Variants in CNTNAP2 observed in about 807,000 individuals in gnomAD.
The protein encoded by CNTNAP2 is contactin associated protein 2.
A neutral mutation model predicts 155.2 loss-of-function variants in CNTNAP2; 98 were observed. That is an observed-to-expected ratio of 0.63 (90% CI 0.54 to 0.75). CNTNAP2 has a LOEUF of 0.75. CNTNAP2 is among the 30% of genes least tolerant of loss of function. CNTNAP2 has a pLI of 0.00. For synonymous variants in CNTNAP2, 651 were observed against 631.2 expected, an observed-to-expected ratio of 1.03 and a Z score of -0.47; for missense variants, 1,727 against 1,688.1, an observed-to-expected ratio of 1.02 and a Z score of -0.40.
At chr7:147,508,483 A>G (rs1409464520) in intron 11 of CNTNAP2, among the ~76,000 whole-genome samples, 1 of 152,152 alleles carries the variant, frequency 6.6e-6, no homozygotes, top group Non-Finnish European at 1.5e-5. Flanking sequence ...AACAGCAAAA[A>G]CCTTGCAACT....
chr7:147,287,185 T>C (rs1433103454), intron 8 of CNTNAP2, among the ~76,000 whole-genome samples: 1 of 151,980 alleles, frequency 6.6e-6, no homozygotes, highest in Non-Finnish European at 1.5e-5. Flanking sequence ...GGATGCAACA[T>C]TACTAAGAAG....
At chr7:148,110,908 T>C (rs1804335117) in intron 15 of CNTNAP2, among the ~76,000 whole-genome samples, 1 of 152,220 alleles carries the variant, frequency 6.6e-6, no homozygotes, top group Non-Finnish European at 1.5e-5. Flanking sequence ...GCCTTCTTCC[T>C]GTCAGCTTCC....
At position 147,527,015 on chromosome 7, in the gene CNTNAP2, CTTTTTT is replaced by C. The variant is rs888976222; in HGVS notation, c.1778-35101_1778-35096del. On this transcript the variant is annotated intron_variant, in intron 11 of 23. Coordinates refer to ENST00000361727, the MANE Select transcript of CNTNAP2 (RefSeq NM_014141.6). ...CATGAATTATGGAAGACAGGCATTT[CTTTTTT>C]TTTTTTTTTTTTTTTTTTTTTGATG... Among the ~76,000 whole-genome samples the C allele has an allele frequency of 1.0e-3, 65 of 65,168 alleles. 1 individual carries two copies. Among genetic ancestry groups the C allele is most frequent in the Admixed American group, 3.9e-3 (19 of 4,826 alleles). The allele number at this position is 65,168 out of a possible 152,430, so 42.8% of individuals were successfully genotyped here.
intron 3 of CNTNAP2, among the ~76,000 whole-genome samples, chr7:146,920,704 A>T (rs1476569578): frequency 6.6e-6 from 1 of 152,194 alleles, no homozygotes; most frequent in African/African-American, 2.4e-5. Context: ...AAATTTTTTC[A>T]TTGAATGTTG....
intron 1 of CNTNAP2, among the ~76,000 whole-genome samples, chr7:146,587,877 T>G (rs1306196082): frequency 6.6e-6 from 1 of 152,036 alleles, no homozygotes; most frequent in Non-Finnish European, 1.5e-5. Context: ...TTTCACCATG[T>G]TGGCCAGGCT....
At chr7:147,478,327 A>T (rs1198460070) in intron 10 of CNTNAP2, among the ~76,000 whole-genome samples, 1 of 151,698 alleles carries the variant, frequency 6.6e-6, no homozygotes. Context: ...TAATTTTTGT[A>T]TTTTTATTAG....
chr7:146,239,088 T>C (rs376812152), intron 1 of CNTNAP2, among the ~76,000 whole-genome samples: 1 of 152,182 alleles, frequency 6.6e-6, no homozygotes, highest in Non-Finnish European at 1.5e-5. Context: ...AGGGTAGATA[T>C]GTGTTTGGAA....
At chr7:147,602,353 C>A (rs553811010) in intron 12 of CNTNAP2, among the ~76,000 whole-genome samples, 1 of 111,798 alleles carries the variant, frequency 8.9e-6, no homozygotes, top group East Asian at 2.7e-4. Flanking sequence ...TTATGTACTT[C>A]AGTCTATTTT....
intron 14 of CNTNAP2, among the ~76,000 whole-genome samples, chr7:147,923,625 T>C (rs2710073): frequency 0.76 from 114,799 of 151,536 alleles, 44,151 homozygotes; most frequent in African/African-American, 0.88. Context: ...GCAATCTTCT[T>C]GCCTCAGCCT....
At chr7:146,254,445 G>A (rs542889879) in intron 1 of CNTNAP2, among the ~76,000 whole-genome samples, 3 of 152,176 alleles carry the variant, frequency 2.0e-5, no homozygotes, top group Non-Finnish European at 4.4e-5. Flanking sequence ...CCAAGTAAAA[G>A]TGTATATATG....
chr7:147,424,425 A>G (rs1045416627), intron 10 of CNTNAP2, among the ~76,000 whole-genome samples: 3 of 152,082 alleles, frequency 2.0e-5, no homozygotes, highest in African/African-American at 7.2e-5. Context: ...GTCTTTCTTG[A>G]AACATTTTCT....
At chr7:147,511,201 G>A (rs114473934) in intron 11 of CNTNAP2, among the ~76,000 whole-genome samples, 3,927 of 151,882 alleles carry the variant, frequency 0.026, 166 homozygotes, top group African/African-American at 0.09. Flanking sequence ...TCGCCCCTCT[G>A]GCTACCTTTA....
At chr7:146,199,905 C>G (rs1212303339) in intron 1 of CNTNAP2, among the ~76,000 whole-genome samples, 7 of 152,190 alleles carry the variant, frequency 4.6e-5, no homozygotes, top group Admixed American at 4.6e-4. Flanking sequence ...AGTCTTTCTC[C>G]CTTGCCCCTA....
intron 12 of CNTNAP2, among the ~76,000 whole-genome samples, chr7:147,600,373 C>A (rs550263864): frequency 1.6e-4 from 24 of 152,312 alleles, no homozygotes; most frequent in African/African-American, 5.5e-4. Context: ...GTGGGCCTCA[C>A]GGTCTCTACC....
chr7:147,342,298 T>A (rs145358393), intron 9 of CNTNAP2, among the ~76,000 whole-genome samples: 25 of 152,162 alleles, frequency 1.6e-4, no homozygotes, highest in African/African-American at 5.3e-4. Flanking sequence ...GCTTCTAATG[T>A]ATCTAATTTA....
intron 22 of CNTNAP2, among the ~76,000 whole-genome samples, chr7:148,393,623 ATG>A (rs1192468673): frequency 1.3e-5 from 2 of 152,312 alleles, no homozygotes; most frequent in African/African-American, 2.4e-5. Context: ...GTCAAAGGAT[ATG>A]TGTGTTTTTA....
intron 9 of CNTNAP2, among the ~76,000 whole-genome samples, chr7:147,316,698 C>T (rs887382662): frequency 6.6e-6 from 1 of 151,974 alleles, no homozygotes; most frequent in Admixed American, 6.6e-5. Flanking sequence ...TGTATGATTA[C>T]AGAATAAAGT....
At chr7:146,806,929 A>G (rs1359383185) in intron 2 of CNTNAP2, among the ~76,000 whole-genome samples, 3 of 152,136 alleles carry the variant, frequency 2.0e-5, no homozygotes, top group Admixed American at 1.3e-4. Flanking sequence ...CCTACCTCAT[A>G]TAGTTCTTAT....
intron 12 of CNTNAP2, among the ~76,000 whole-genome samples, chr7:147,590,150 C>T (rs1221972446): frequency 1.3e-5 from 2 of 152,148 alleles, no homozygotes; most frequent in African/African-American, 4.8e-5. Flanking sequence ...GTGAGTCACA[C>T]AAAAACAGGT....
Sources: gnomAD v4.1 joint callset for allele counts (sites outside exome capture counted in the v4.1 genomes callset) on GRCh38, gnomAD v4.1.1 for gene constraint, MANE v1.5 for transcripts, NCBI Gene and HGNC (gene_info 2026-07-23, HGNC 2026-07-21) for gene names.